The following GNAI3 variants were observed in gnomAD, a reference collection of about 807,000 sequenced individuals.
The protein encoded by GNAI3 is guanine nucleotide-binding protein G(i) subunit alpha-3.
In GNAI3, 12 loss-of-function variants were observed where a neutral mutation model predicts 41.8. That is an observed-to-expected ratio of 0.29 (90% CI 0.18 to 0.47). GNAI3 has a LOEUF of 0.47. GNAI3 is among the 20% of genes least tolerant of loss of function. The pLI is 1.00. For synonymous variants in GNAI3, 132 were observed against 146.5 expected, an observed-to-expected ratio of 0.90 and a Z score of 0.71; for missense variants, 360 against 429.6, an observed-to-expected ratio of 0.84 and a Z score of 1.43.
chr1:109,592,273 G>GAC lies in GNAI3; in HGVS notation c.*22+18_*22+19insAC. 1 of 1,301,042 alleles carries GAC rather than the reference G, an allele frequency of 7.7e-7. No individual in the cohort carries two copies. The highest frequency in any genetic ancestry group is 1.9e-4 in the Middle Eastern group (1 of 5,374). 80.6% of individuals were successfully genotyped at this position (1,301,042 alleles called of 1,614,324 possible). Reference sequence around the variant, plus strand: ...AGTGAAAGGTAAAGTTTCATACAAGGTAGTTATAGTGCTACAGTGATGTCT... The same window carrying GAC: ...AGTGAAAGGTAAAGTTTCATACAAGGACTAGTTATAGTGCTACAGTGATGTCT... On this transcript the variant is annotated intron_variant, in intron 8 of 8. Transcript: ENST00000369851.
chr1:109,556,058 G>A (rs891124692), intron 1 of GNAI3, among the ~76,000 whole-genome samples: 2 of 93,178 alleles, frequency 2.1e-5, no homozygotes, highest in South Asian at 3.1e-4. Context: ...TTTTTTTTTT[G>A]TTGAGTCTTA....
At chr1:109,576,349 G>A (rs1454875287) in intron 3 of GNAI3, among the ~76,000 whole-genome samples, 2 of 152,108 alleles carry the variant, frequency 1.3e-5, no homozygotes, top group African/African-American at 4.8e-5. Flanking sequence ...GATTACAGGT[G>A]TGAGCCACTG....
intron 1 of GNAI3, among the ~76,000 whole-genome samples, chr1:109,572,784 G>A (rs924205990): frequency 2.0e-5 from 3 of 152,142 alleles, no homozygotes; most frequent in African/African-American, 7.2e-5. Context: ...AGAAAAAACT[G>A]ATCATATTTG....
At chr1:109,562,432 T>A (rs140311709) in intron 1 of GNAI3, among the ~76,000 whole-genome samples, 384 of 152,250 alleles carry the variant, frequency 2.5e-3, no homozygotes, top group African/African-American at 9.1e-3. Flanking sequence ...AAGGTATGTG[T>A]GTGTGTATAA....
chr1:109,570,957 G>C (rs1290038838), intron 1 of GNAI3, among the ~76,000 whole-genome samples: 3 of 152,150 alleles, frequency 2.0e-5, no homozygotes, highest in Non-Finnish European at 4.4e-5. Context: ...AGTGATCTAG[G>C]CCTATGGTTT....
At chr1:109,580,220 G>T (rs1648856442) in intron 4 of GNAI3, among the ~76,000 whole-genome samples, 2 of 152,064 alleles carry the variant, frequency 1.3e-5, no homozygotes, top group South Asian at 2.1e-4. Context: ...GGATGGTCTC[G>T]ATCTCCTGAC....
intron 1 of GNAI3, among the ~76,000 whole-genome samples, chr1:109,566,748 A>T (rs1648465623): frequency 6.6e-6 from 1 of 152,130 alleles, no homozygotes; most frequent in Admixed American, 6.6e-5. Context: ...TTTTTAGTAG[A>T]GATGAGGTTT....
At chr1:109,589,474 A>G (rs1023440136) in intron 7 of GNAI3, among the ~76,000 whole-genome samples, 3 of 152,084 alleles carry the variant, frequency 2.0e-5, no homozygotes. Flanking sequence ...GTTTAAAGGG[A>G]AGGGAGAGAT....
At position 109,582,553 on chromosome 1, in the gene GNAI3, AC is replaced by A; in HGVS notation, c.580del (p.Leu194TyrfsTer8). ...GIVETHFTFK[D>X]LYFKMFDVGG... The stretch of plus-strand genomic sequence containing the variant: ...GTAGAAACACATTTCACCTTCAAAG[AC>A]CTATACTTCAAGTAAGTCATTAGCC... On this transcript the variant is annotated frameshift_variant, in exon 5 of 9. Coordinates refer to ENST00000369851, the MANE Select transcript of GNAI3 (RefSeq NM_006496.4). LOFTEE classifies it high-confidence loss of function. The A allele has an allele frequency of 6.2e-7, 1 of 1,607,598 alleles. No individual in the cohort carries two copies. The highest frequency in any genetic ancestry group is 8.5e-7 in the Non-Finnish European group (1 of 1,174,152).
chr1:109,574,143 A>T, intron 3 of GNAI3, 106 bp downstream of exon 3: 1 of 750,276 alleles, frequency 1.3e-6, no homozygotes. Flanking sequence ...AAGCAACAAG[A>T]TAAAATGTAG....
At chr1:109,574,182 G>A (rs1240325927) in intron 3 of GNAI3, 145 bp downstream of exon 3, 6 of 587,254 alleles carry the variant, frequency 1.0e-5, no homozygotes, top group Non-Finnish European at 1.5e-5. Context: ...CTTGAGAAAT[G>A]TTAGCAATCT....
Position 109,548,625 on chromosome 1 carries a change from G to A in GNAI3, c.-96G>A. The A allele has an allele frequency of 1.3e-6, 1 of 794,202 alleles. No individual in the cohort carries two copies. Among genetic ancestry groups the A allele is most frequent in the South Asian group, 1.6e-5 (1 of 62,860 alleles). 49.2% of individuals were successfully genotyped at this position (794,202 alleles called of 1,614,324 possible). ...GGCGCTAAGGGAGCTGACGGAGAGG[G>A]CCACCGCCCAGCAATAGACGGTGCC... is the stretch of plus-strand genomic sequence containing the variant. On this transcript the variant is annotated 5_prime_UTR_variant, in exon 1 of 9. Transcript: ENST00000369851.
At chr1:109,591,355 T>A (rs1457442684) in intron 7 of GNAI3, among the ~76,000 whole-genome samples, 3 of 152,186 alleles carry the variant, frequency 2.0e-5, no homozygotes, top group Non-Finnish European at 2.9e-5. Flanking sequence ...TTGCCATCTT[T>A]TAGTAACATA....
intron 6 of GNAI3, 98 bp from the exon 7 acceptor site, chr1:109,586,631 C>T (rs1649039084): frequency 3.6e-6 from 3 of 829,856 alleles, no homozygotes; most frequent in Admixed American, 2.7e-5. Flanking sequence ...TCCGTGAATG[C>T]CATTTAGTGC....
At chr1:109,589,755 T>G (rs1649124212) in intron 7 of GNAI3, among the ~76,000 whole-genome samples, 1 of 152,110 alleles carries the variant, frequency 6.6e-6, no homozygotes, top group African/African-American at 2.4e-5. Flanking sequence ...ATATGATATA[T>G]CCAAAATAGG....
intron 1 of GNAI3, among the ~76,000 whole-genome samples, chr1:109,556,958 G>C (rs1438615468): frequency 6.6e-6 from 1 of 152,090 alleles, no homozygotes; most frequent in Admixed American, 6.6e-5. Context: ...TTCCTCCCGA[G>C]ACAGTCTCAC....
chr1:109,549,942 T>A lies in GNAI3; in HGVS notation c.118+1104T>A, dbSNP rs116462088. Among the ~76,000 whole-genome samples the A allele has an allele frequency of 3.9e-3, 591 of 152,308 alleles. 4 individuals are homozygous for A. Among genetic ancestry groups the A allele is most frequent in the Middle Eastern group, 0.017 (5 of 294 alleles). On this transcript the variant is annotated intron_variant, in intron 1 of 8. Coordinates refer to ENST00000369851, the MANE Select transcript of GNAI3 (RefSeq NM_006496.4). The stretch of plus-strand genomic sequence containing the variant: ...TAGCTTACTAATAAATCAAGCCACA[T>A]TTCTTCATTATTAGTGAAGATTTTC...
At chr1:109,586,374 G>C (rs1484087585) in intron 6 of GNAI3, 29 bp downstream of exon 6, 1 of 1,587,434 alleles carries the variant, frequency 6.3e-7, no homozygotes, top group Admixed American at 1.8e-5. Flanking sequence ...TAAAAAGCCT[G>C]TCTAATGTAG....
chr1:109,579,211 C>G lies in GNAI3; in HGVS notation c.311C>G (p.Ala104Gly). The G allele has an allele frequency of 6.2e-7, 1 of 1,610,510 alleles. No individual in the cohort carries two copies. The highest frequency in any genetic ancestry group is 8.5e-7 in the Non-Finnish European group (1 of 1,177,984). Residue 104 changes from alanine (A) to glycine (G), a missense_variant, in exon 4 of 9, where the codon GCC becomes GGC. By Grantham distance (60) the Ala-to-Gly change is moderately conservative. Coordinates refer to ENST00000369851, the MANE Select transcript of GNAI3 (RefSeq NM_006496.4). ...CTTAACTGCTTTCTTCAGGATGATG[C>G]CCGGCAATTATTTGTTTTAGCTGGC... The part of the protein sequence containing the change: ...DFGEAARADD[A>G]RQLFVLAGSA...
Sources: gnomAD v4.1 joint callset for allele counts (sites outside exome capture counted in the v4.1 genomes callset) on GRCh38, gnomAD v4.1.1 for gene constraint, MANE v1.5 for transcripts, NCBI Gene and HGNC (gene_info 2026-07-23, HGNC 2026-07-21) for gene names.